The following AKAP12 variants were observed in gnomAD, a reference collection of about 807,000 sequenced individuals.
AKAP12 encodes the protein A-kinase anchor protein 12.
AKAP12 carries 32 observed loss-of-function variants against 79.9 expected under a neutral mutation model. The ratio of observed to expected loss-of-function variants is 0.40; its 90% confidence interval spans 0.30 to 0.54. The LOEUF (loss-of-function observed/expected upper bound fraction) is 0.54, where lower values mean the gene tolerates loss of function less well. Ranked by LOEUF, AKAP12 falls within the 20% of genes least tolerant of loss-of-function variation. The probability of loss-of-function intolerance (pLI) is 0.48; values close to 1 mark genes in which losing one functional copy is unlikely to be tolerated. For missense variants in AKAP12, 2,074 were observed against 2,177.0 expected (o/e 0.95, Z 0.94); for synonymous variants, 808 against 857.0 (o/e 0.94, Z 1.00).
At chr6:151,307,934 G>A (rs1052824240) in intron 3 of AKAP12, among the ~76,000 whole-genome samples, 25 of 152,032 alleles carry the variant, frequency 1.6e-4, no homozygotes, top group Admixed American at 1.4e-3. Flanking sequence ...GCTTGAGCTC[G>A]GCTTACTGCA....
chr6:151,258,847 T>G (rs573819080), intron 2 of AKAP12, among the ~76,000 whole-genome samples: 17 of 151,710 alleles, frequency 1.1e-4, no homozygotes, highest in African/African-American at 3.6e-4. Flanking sequence ...AGGCTGGTCT[T>G]GAACTCCTGA....
intron 2 of AKAP12, among the ~76,000 whole-genome samples, chr6:151,296,505 G>A (rs372330435): frequency 8.3e-4 from 126 of 152,286 alleles, no homozygotes; most frequent in African/African-American, 2.7e-3. Flanking sequence ...AGCCAGGTGC[G>A]GTGGCTCATG....
At chr6:151,260,489 T>C (rs1461410220) in intron 2 of AKAP12, among the ~76,000 whole-genome samples, 1 of 152,212 alleles carries the variant, frequency 6.6e-6, no homozygotes, top group African/African-American at 2.4e-5. Flanking sequence ...CCCTGTGCAC[T>C]CTGCCTTCCT....
intron 2 of AKAP12, among the ~76,000 whole-genome samples, chr6:151,284,763 C>T (rs1426168120): frequency 6.6e-6 from 1 of 152,196 alleles, no homozygotes; most frequent in East Asian, 1.9e-4. Context: ...CTCTTATCAA[C>T]AGAACTGAAA....
chr6:151,315,378 C>A (rs747047532), intron 3 of AKAP12, among the ~76,000 whole-genome samples: 3 of 152,120 alleles, frequency 2.0e-5, no homozygotes, highest in Non-Finnish European at 4.4e-5. Context: ...AAACAAACAC[C>A]CTTAAGCCTC....
At chr6:151,240,306 A>T in intron 1 of AKAP12, 78 bp from the exon 2 acceptor site, 1 of 347,860 alleles carries the variant, frequency 2.9e-6, no homozygotes, top group Non-Finnish European at 5.1e-6. Flanking sequence ...TGCTCATGTG[A>T]TGAAGCGAGG....
At chr6:151,319,471 ATCTATCTATCTATC>A (rs1777314417) in intron 3 of AKAP12, among the ~76,000 whole-genome samples, 1 of 143,114 alleles carries the variant, frequency 7.0e-6, no homozygotes, top group African/African-American at 2.7e-5. Context: ...CTATCTATCT[ATCTATCTATCTATC>A]TACTATCTAT....
rs143067215 is a variant in AKAP12, at chr6:151,353,614, C to T, written c.5223C>T (p.Ala1741=). Reference sequence around the variant, plus strand: ...CAAAACAAAAAGAGAAGGAGGATGCCCAGGAAGTAGAATTGCAGGAAGGAA... The same window carrying T: ...CAAAACAAAAAGAGAAGGAGGATGCTCAGGAAGTAGAATTGCAGGAAGGAA... ...NGPKQKEKED[A]QEVELQEGKV... is the part of the protein sequence containing the mutation. The change falls in exon 4 of 5, where the codon GCC becomes GCT. Residue 1741 remains alanine (A), a synonymous_variant. Coordinates refer to ENST00000402676, the MANE Select transcript of AKAP12 (RefSeq NM_005100.4). 354 of 1,613,886 alleles carry T rather than the reference C, an allele frequency of 2.2e-4. No individual in the cohort carries two copies. The African/African-American group carries it at 4.3e-3, about 20-fold the overall frequency.
At chr6:151,325,542 G>T in intron 3 of AKAP12, 1 of 1,253,010 alleles carries the variant, frequency 8.0e-7, no homozygotes. Context: ...TGCGGCCCGG[G>T]CGGGGAAGTT....
intron 2 of AKAP12, among the ~76,000 whole-genome samples, chr6:151,250,222 G>A (rs1258638532): frequency 6.6e-6 from 1 of 152,090 alleles, no homozygotes; most frequent in Non-Finnish European, 1.5e-5. Context: ...AAATAGGCTG[G>A]GCGTTGTGGC....
intron 1 of AKAP12, 26 bp from the exon 2 acceptor site, chr6:151,240,356 CTT>C (rs11314996): frequency 2.8e-3 from 1,065 of 381,522 alleles, no homozygotes; most frequent in Middle Eastern, 5.2e-3. Flanking sequence ...AAGAGGTGGC[CTT>C]TTTTTTTTTT....
At chr6:151,254,229 CA>C (rs10717860) in intron 2 of AKAP12, among the ~76,000 whole-genome samples, 83,498 of 151,898 alleles carry the variant, frequency 0.55, 23,800 homozygotes, top group East Asian at 0.84. Context: ...AAAATTTAAA[CA>C]AAAAATAGTT....
At chr6:151,256,629 T>G (rs959257508) in intron 2 of AKAP12, among the ~76,000 whole-genome samples, 1 of 152,042 alleles carries the variant, frequency 6.6e-6, no homozygotes, top group African/African-American at 2.4e-5. Context: ...TATATACACA[T>G]GTATAAATTT....
In AKAP12 at chr6:151,240,392, C is replaced by G. The variant is rs1381390864; in HGVS notation, c.-171C>G. The G allele has an allele frequency of 1.7e-6, 1 of 598,336 alleles. No homozygotes were observed. The highest frequency in any genetic ancestry group is 1.9e-5 in the African/African-American group (1 of 51,476). The allele number at this position is 598,336 out of a possible 1,614,324, so 37.1% of individuals were successfully genotyped here. A position where few individuals can be genotyped will look rare whatever the true frequency, so the allele number is the denominator to read the frequency against. On this transcript the variant is annotated 5_prime_UTR_variant, in exon 2 of 5. Transcript: ENST00000402676. ...TTTCCTTTTCTTTTAAGGAGTTTGC[C>G]GCGAGCGCGTCTCCTTCATTCGCAG... is the stretch of plus-strand genomic sequence containing the variant.
At chr6:151,250,698 C>T (rs978983983) in intron 2 of AKAP12, among the ~76,000 whole-genome samples, 9 of 150,980 alleles carry the variant, frequency 6.0e-5, no homozygotes, top group South Asian at 2.1e-4. Context: ...CTCCGCCTCC[C>T]GGGTTCACGC....
chr6:151,292,707 G>A (rs2114738510), intron 2 of AKAP12, among the ~76,000 whole-genome samples: 1 of 152,322 alleles, frequency 6.6e-6, no homozygotes, highest in African/African-American at 2.4e-5. Context: ...GTAAACTTCT[G>A]TCTCCACCTC....
At chr6:151,335,684 C>G (rs964172482) in intron 3 of AKAP12, among the ~76,000 whole-genome samples, 1 of 152,074 alleles carries the variant, frequency 6.6e-6, no homozygotes, top group African/African-American at 2.4e-5. Flanking sequence ...TTGCCCAAAG[C>G]TGGTCTCAGA....
chr6:151,334,375 C>T (rs954761958), intron 3 of AKAP12, among the ~76,000 whole-genome samples: 1 of 152,022 alleles, frequency 6.6e-6, no homozygotes, highest in African/African-American at 2.4e-5. Context: ...AGGTGGATCA[C>T]CTGAGGTCAG....
At position 151,353,274 on chromosome 6, in the gene AKAP12, C is replaced by T. The variant is rs1404626263; in HGVS notation, c.4883C>T (p.Ser1628Phe). 1.2e-6 allele frequency: 2 copies of T among 1,614,152 alleles called. No homozygotes were observed. The highest frequency in any genetic ancestry group is 1.7e-5 in the Admixed American group (1 of 60,030). The change falls in exon 4 of 5, where the codon TCT becomes TTT. Residue 1628 changes from serine to phenylalanine, a missense_variant. Coordinates refer to ENST00000402676, the MANE Select transcript of AKAP12 (RefSeq NM_005100.4). ...TCAACCGCAGTGGGACAAGCACATT[C>T]TGATATTTCCAAAGACATGAGTGAA... ...SESTAVGQAH[S>F]DISKDMSEAS...
Sources: gnomAD v4.1 joint callset for allele counts (sites outside exome capture counted in the v4.1 genomes callset) on GRCh38, gnomAD v4.1.1 for gene constraint, MANE v1.5 for transcripts, NCBI Gene and HGNC (gene_info 2026-07-23, HGNC 2026-07-21) for gene names.